The following RP1 variants were observed in gnomAD, a reference collection of about 807,000 sequenced individuals.
RP1 encodes RP1 axonemal microtubule associated, also known as oxygen-regulated protein 1.
In RP1, 16 loss-of-function variants were observed where a neutral mutation model predicts 14.8. The observed-to-expected ratio is 1.08, with a 90% CI of 0.73 to 1.65. The LOEUF (loss-of-function observed/expected upper bound fraction) is 1.65, where lower values mean the gene tolerates loss of function less well. Ranked by LOEUF, RP1 falls within the 40% of genes most tolerant of loss-of-function variation. RP1 has a pLI of 0.00. For synonymous variants in RP1, 876 were observed against 883.6 expected (o/e 0.99, Z 0.15); for missense variants, 2,631 against 2,535.0 (o/e 1.04, Z -0.81).
chr8:54,740,450 G>T (rs568416055), intron 19 of RP1, among the ~76,000 whole-genome samples: 4 of 147,210 alleles, frequency 2.7e-5, no homozygotes, highest in East Asian at 2.0e-4. Context: ...AGAGCCAGGC[G>T]CAGTGGCTCA....
chr8:54,787,621 G>A (rs545306076), intron 24 of RP1, among the ~76,000 whole-genome samples: 59 of 152,136 alleles, frequency 3.9e-4, no homozygotes, highest in Middle Eastern at 3.4e-3. Flanking sequence ...AGTATTCTCC[G>A]TTGCTGGGAA....
At position 54,621,219 on chromosome 8, in the gene RP1, A is replaced by AC. The variant is rs1314420869; in HGVS notation, c.257dup (p.Arg87SerfsTer48). On this transcript the variant is annotated frameshift_variant, in exon 2 of 4. Transcript: ENST00000220676. LOFTEE classifies it high-confidence loss of function. The stretch of plus-strand genomic sequence containing the variant: ...CCCTTTTGGAGTGAGGAACATCAGC[A>AC]CCCCTCGGGGCAGGCACAGCATCAC... 3 of 1,613,884 alleles carry AC rather than the reference A, an allele frequency of 1.9e-6. No individual in the cohort carries two copies. In the East Asian group the frequency reaches 6.7e-5, roughly 36 times the overall value.
chr8:54,812,925 A>C (rs1221140425), intron 24 of RP1, among the ~76,000 whole-genome samples: 3 of 152,230 alleles, frequency 2.0e-5, no homozygotes, highest in Admixed American at 6.5e-5. Flanking sequence ...TCAGGTTCTT[A>C]AATGCCTGTG....
chr8:54,616,280 C>G (rs1312024222), intron 1 of RP1, 78 bp downstream of exon 1: 5 of 152,072 alleles, frequency 3.3e-5, no homozygotes, highest in Admixed American at 6.6e-5. Context: ...CCATGTTATA[C>G]TTAGATTATA....
intron 21 of RP1, chr8:54,758,892 G>A (rs2129369058): frequency 1.3e-6 from 2 of 1,533,396 alleles, no homozygotes; most frequent in Admixed American, 2.0e-5. Flanking sequence ...AGTTATTTCT[G>A]TGGGTTTTTT....
At chr8:54,770,340 T>G (rs958797489), downstream of RP1, among the ~76,000 whole-genome samples, 6 of 152,006 alleles carry the variant, frequency 3.9e-5, no homozygotes, top group African/African-American at 1.4e-4. Flanking sequence ...ATAAAGAAAC[T>G]AACAGCAACT....
upstream of RP1, among the ~76,000 whole-genome samples, chr8:54,615,503 T>C (rs1274769294): frequency 1.3e-5 from 2 of 152,164 alleles, no homozygotes; most frequent in Non-Finnish European, 1.5e-5. Context: ...CTGAAACATG[T>C]TCAAACCCCA....
intron 7 of RP1, among the ~76,000 whole-genome samples, chr8:54,669,900 G>A (rs908038081): frequency 5.9e-5 from 9 of 151,978 alleles, no homozygotes; most frequent in Non-Finnish European, 1.3e-4. Context: ...AAGGGGGAGG[G>A]ATAGCATTAG....
chr8:54,584,296 T>C (rs1472887637), intron 1 of RP1, among the ~76,000 whole-genome samples: 6 of 152,244 alleles, frequency 3.9e-5, no homozygotes, highest in Non-Finnish European at 8.8e-5. Context: ...CCAGTTTCCA[T>C]GTAGTTGAGC....
chr8:54,649,878 A>G (rs1806621881), intron 4 of RP1, among the ~76,000 whole-genome samples: 1 of 152,204 alleles, frequency 6.6e-6, no homozygotes, highest in South Asian at 2.1e-4. Flanking sequence ...GAGAGGCTGA[A>G]CCATTTGGAA....
At position 54,625,810 on chromosome 8, in the gene RP1, A is replaced by G; in HGVS notation, c.1928A>G (p.Asp643Gly). The change falls in exon 4 of 4, where the codon GAC becomes GGC. Residue 643 changes from aspartate to glycine, a missense_variant. Transcript: ENST00000220676. ...EASSTVTARI[D>G]RLINEFAQCG... The stretch of plus-strand genomic sequence containing the variant: ...TCCTCTACTGTCACTGCAAGAATTG[A>G]CAGACTAATTAATGAATTTGCTCAG... 1 of 1,613,486 alleles carries G rather than the reference A, an allele frequency of 6.2e-7. No individual in the cohort carries two copies.
chr8:54,713,285 G>A (rs980616304), intron 15 of RP1, among the ~76,000 whole-genome samples: 3 of 152,020 alleles, frequency 2.0e-5, no homozygotes, highest in African/African-American at 7.3e-5. Flanking sequence ...TGATGTAATC[G>A]AAATTCAGGT....
chr8:54,681,329 C>A (rs965379579), intron 12 of RP1, among the ~76,000 whole-genome samples: 5 of 152,112 alleles, frequency 3.3e-5, no homozygotes, highest in Non-Finnish European at 5.9e-5. Context: ...CCAGCTAGAG[C>A]AGCTTCTTGT....
At chr8:54,559,334 G>A (rs939278186) in intron 1 of RP1, 25 of 152,100 alleles carry the variant, frequency 1.6e-4, no homozygotes, top group African/African-American at 5.6e-4. Flanking sequence ...AAATATATGT[G>A]TTTTCTTTTC....
intron 7 of RP1, among the ~76,000 whole-genome samples, chr8:54,672,337 C>G (rs934972760): frequency 2.0e-5 from 3 of 152,156 alleles, no homozygotes; most frequent in African/African-American, 7.2e-5. Context: ...GAGGGAGGTT[C>G]TGGACTGTGG....
At chr8:54,753,966 C>CT (rs1343284173) in intron 19 of RP1, among the ~76,000 whole-genome samples, 6 of 152,110 alleles carry the variant, frequency 3.9e-5, no homozygotes, top group African/African-American at 1.4e-4. Flanking sequence ...TAGCTGGAAT[C>CT]TTAAAAGGAT....
chr8:54,716,350 A>T (rs990761415), intron 15 of RP1, among the ~76,000 whole-genome samples: 1 of 152,030 alleles, frequency 6.6e-6, no homozygotes, highest in Non-Finnish European at 1.5e-5. Flanking sequence ...TAATTTTTTT[A>T]AATTATTTAT....
chr8:54,580,499 G>A (rs1429868388), intron 1 of RP1, among the ~76,000 whole-genome samples: 1 of 150,570 alleles, frequency 6.6e-6, no homozygotes, highest in Non-Finnish European at 1.5e-5. Flanking sequence ...TAGAGATGGG[G>A]TTTCACCACG....
At position 54,812,730 on chromosome 8, in the gene RP1, C is replaced by T. The variant is rs558082634; in HGVS notation, c.3616-24720C>T. ...ATGATTCCAGATATCTCTCTCTCTTCTATGTATCTATGTATCCATGTATCT... is the reference window on the plus strand; with the variant it reads ...ATGATTCCAGATATCTCTCTCTCTTTTATGTATCTATGTATCCATGTATCT... On this transcript the variant is annotated intron_variant, in intron 24 of 28. Transcript: ENST00000637698. 6.6e-5 allele frequency among the ~76,000 whole-genome samples: 10 copies of T among 152,004 alleles called. No homozygotes were observed. The East Asian group carries it at 1.6e-3, about 24-fold the overall frequency.
Sources: allele counts gnomAD v4.1 joint callset (sites outside exome capture counted in the v4.1 genomes callset), GRCh38; gene constraint gnomAD v4.1.1; transcripts MANE v1.5; gene names NCBI Gene and HGNC (gene_info 2026-07-23, HGNC 2026-07-21).